Variants in RORB observed in about 807,000 individuals in gnomAD.
RORB encodes the protein nuclear receptor ROR-beta.
RORB carries 6 observed loss-of-function variants against 59.1 expected under a neutral mutation model. That is an observed-to-expected ratio of 0.10 (90% CI 0.06 to 0.20). The LOEUF (loss-of-function observed/expected upper bound fraction) is 0.20, where lower values mean the gene tolerates loss of function less well. Ranked by LOEUF, RORB falls within the 10% of genes least tolerant of loss-of-function variation. The pLI, the probability that RORB is intolerant of heterozygous loss-of-function variation, is 1.00. For synonymous variants in RORB, 215 were observed against 204.5 expected, an observed-to-expected ratio of 1.05 and a Z score of -0.44; for missense variants, 320 against 560.5, an observed-to-expected ratio of 0.57 and a Z score of 4.33.
chr9:74,509,770 G>A (rs1227857731), intron 1 of RORB, among the ~76,000 whole-genome samples: 1 of 151,980 alleles, frequency 6.6e-6, no homozygotes, highest in Non-Finnish European at 1.5e-5. Flanking sequence ...ATCCTTCTGT[G>A]TTGTGTACAA....
rs1824659643 is a variant in RORB, at chr9:74,687,028, T to C, written c.*1410T>C. 6.6e-6 allele frequency: 1 copy of C among 152,150 alleles called. No homozygotes were observed. Among genetic ancestry groups the C allele is most frequent in the Admixed American group, 6.6e-5 (1 of 15,262 alleles). The allele number at this position is 152,150 out of a possible 1,614,324, so 9.4% of individuals were successfully genotyped here. A position where few individuals can be genotyped will look rare whatever the true frequency, so the allele number is the denominator to read the frequency against. On this transcript the variant is annotated 3_prime_UTR_variant, in exon 10 of 10. Coordinates refer to ENST00000376896, the MANE Select transcript of RORB (RefSeq NM_006914.4). ...AAAGAATACAACTGTGACATTAGGA[T>C]CAGAGATTTTAGACTTCCTTGTACA...
At chr9:74,596,788 A>G (rs1474243668) in intron 1 of RORB, among the ~76,000 whole-genome samples, 1 of 152,220 alleles carries the variant, frequency 6.6e-6, no homozygotes, top group African/African-American at 2.4e-5. Flanking sequence ...AGCTCTCTAA[A>G]TTTATATTTA....
intron 1 of RORB, among the ~76,000 whole-genome samples, chr9:74,528,180 G>C (rs1422644533): frequency 1.3e-5 from 2 of 151,966 alleles, no homozygotes; most frequent in African/African-American, 2.4e-5. Context: ...AGAGGAGCAA[G>C]AAATTACCCA....
intron 1 of RORB, among the ~76,000 whole-genome samples, chr9:74,505,556 G>A (rs537601174): frequency 3.9e-5 from 6 of 152,018 alleles, no homozygotes; most frequent in African/African-American, 9.7e-5. Context: ...GTCAGTAGTC[G>A]AAGCTAGGAT....
chr9:74,638,040 C>T (rs1823733994), intron 3 of RORB, among the ~76,000 whole-genome samples: 1 of 151,760 alleles, frequency 6.6e-6, no homozygotes, highest in Non-Finnish European at 1.5e-5. Flanking sequence ...GCCTACAGCA[C>T]TAAAAAAAGG....
At chr9:74,502,696 T>A (rs769132990) in intron 1 of RORB, among the ~76,000 whole-genome samples, 3 of 152,112 alleles carry the variant, frequency 2.0e-5, no homozygotes, top group Non-Finnish European at 4.4e-5. Context: ...AAAGTGAGGC[T>A]TAAAATTGTG....
At chr9:74,545,190 C>A (rs1048143068) in intron 1 of RORB, among the ~76,000 whole-genome samples, 1 of 151,242 alleles carries the variant, frequency 6.6e-6, no homozygotes, top group African/African-American at 2.4e-5. Flanking sequence ...TGTTAAGTTG[C>A]ATGGAGTTCA....
chr9:74,593,587 G>A (rs1006269239), intron 1 of RORB, among the ~76,000 whole-genome samples: 1 of 151,952 alleles, frequency 6.6e-6, no homozygotes, highest in African/African-American at 2.4e-5. Flanking sequence ...GGCCTATGCT[G>A]AGTCTATTTT....
intron 1 of RORB, among the ~76,000 whole-genome samples, chr9:74,617,768 A>T (rs1245362846): frequency 6.6e-6 from 1 of 152,166 alleles, no homozygotes; most frequent in Non-Finnish European, 1.5e-5. Flanking sequence ...TTTGCTCCTG[A>T]AGCAATTTCT....
intron 1 of RORB, among the ~76,000 whole-genome samples, chr9:74,607,075 C>T (rs754008700): frequency 2.6e-5 from 4 of 152,222 alleles, no homozygotes; most frequent in Middle Eastern, 3.4e-3. Flanking sequence ...CTTATAGCCA[C>T]GTCTCCTGGA....
chr9:74,634,846 T>C, intron 3 of RORB, 74 bp downstream of exon 3: 2 of 1,380,918 alleles, frequency 1.4e-6, no homozygotes, highest in Non-Finnish European at 2.0e-6. Context: ...TTTAAGCTGC[T>C]GGAAGAATTC....
chr9:74,525,607 T>G (rs992752454), intron 1 of RORB, among the ~76,000 whole-genome samples: 1 of 150,124 alleles, frequency 6.7e-6, no homozygotes, highest in Non-Finnish European at 1.5e-5. Flanking sequence ...CCACACAGAA[T>G]TTTCACTCTA....
At chr9:74,528,693 TC>T (rs2118090434) in intron 1 of RORB, among the ~76,000 whole-genome samples, 1 of 152,182 alleles carries the variant, frequency 6.6e-6, no homozygotes, top group African/African-American at 2.4e-5. Flanking sequence ...ATTTTCTTCT[TC>T]TTTTGTAATG....
intron 1 of RORB, among the ~76,000 whole-genome samples, chr9:74,605,629 T>G (rs563831873): frequency 7.9e-5 from 12 of 152,194 alleles, no homozygotes; most frequent in Non-Finnish European, 1.6e-4. Context: ...AGCACAATTC[T>G]TCAAGACTTC....
chr9:74,577,176 GT>G (rs1224876972), intron 1 of RORB, among the ~76,000 whole-genome samples: 2 of 151,896 alleles, frequency 1.3e-5, no homozygotes, highest in East Asian at 3.9e-4. Context: ...ATTTTGCTGG[GT>G]TTTTTTTCTC....
At chr9:74,501,856 T>C (rs1206711006) in intron 1 of RORB, among the ~76,000 whole-genome samples, 1 of 152,168 alleles carries the variant, frequency 6.6e-6, no homozygotes, top group African/African-American at 2.4e-5. Context: ...AAAATGTAGA[T>C]GAAGAAATTT....
At chr9:74,535,540 C>T (rs573365521) in intron 1 of RORB, among the ~76,000 whole-genome samples, 64 of 151,790 alleles carry the variant, frequency 4.2e-4, no homozygotes, top group African/African-American at 1.5e-3. Flanking sequence ...TCAATACCGC[C>T]CCCCCACCCA....
At chr9:74,596,534 A>G (rs565379209) in intron 1 of RORB, among the ~76,000 whole-genome samples, 1 of 152,330 alleles carries the variant, frequency 6.6e-6, no homozygotes, top group African/African-American at 2.4e-5. Context: ...ACAATGGGCT[A>G]CAGGTTGTTT....
At position 74,688,149 on chromosome 9, in the gene RORB, G is replaced by A. The variant is rs1019571164; in HGVS notation, c.*2531G>A. The A allele has an allele frequency of 3.9e-5, 6 of 152,154 alleles. No homozygotes were observed. Among genetic ancestry groups the A allele is most frequent in the African/African-American group, 1.4e-4 (6 of 41,424 alleles). 9.4% of individuals were successfully genotyped at this position (152,154 alleles called of 1,614,324 possible). ...CTTTGAATTTGTGTTGTTTCCACTA[G>A]CGTTAAGCATTTCACTGGGACGGCA... On this transcript the variant is annotated 3_prime_UTR_variant, in exon 10 of 10. Transcript: ENST00000376896.
Sources: gnomAD v4.1 joint callset for allele counts (sites outside exome capture counted in the v4.1 genomes callset) on GRCh38, gnomAD v4.1.1 for gene constraint, MANE v1.5 for transcripts, NCBI Gene and HGNC (gene_info 2026-07-23, HGNC 2026-07-21) for gene names.